Variants in SEC14L2 observed in about 807,000 individuals in gnomAD.
SEC14L2 encodes the protein SEC14-like protein 2.
In SEC14L2, 50 loss-of-function variants were observed where a neutral mutation model predicts 56.9. The observed-to-expected ratio is 0.88, with a 90% CI of 0.70 to 1.11. The LOEUF is 1.11. SEC14L2 is among the 50% of genes most tolerant of loss of function. The pLI, the probability that SEC14L2 is intolerant of heterozygous loss-of-function variation, is 0.00. For synonymous variants in SEC14L2, 179 were observed against 188.5 expected, an observed-to-expected ratio of 0.95 and a Z score of 0.41; for missense variants, 414 against 500.7, an observed-to-expected ratio of 0.83 and a Z score of 1.65.
At chr22:30,398,114 G>A (rs1047486316) in intron 1 of SEC14L2, among the ~76,000 whole-genome samples, 1 of 152,212 alleles carries the variant, frequency 6.6e-6, no homozygotes, top group African/African-American at 2.4e-5. Context: ...GCAGCAGTGG[G>A]GAGGCACCAG....
In SEC14L2 at chr22:30,415,795, C is replaced by T; in HGVS notation, c.701C>T (p.Pro234Leu). 6.2e-7 allele frequency: 1 copy of T among 1,614,122 alleles called. No homozygotes were observed. Among genetic ancestry groups the T allele is most frequent in the Non-Finnish European group, 8.5e-7 (1 of 1,180,018 alleles). ...GAGGTTTTACTGAAACATATCAGCC[C>T]TGACCAGGTGCCTGTGGAGTATGGG... ...WKEVLLKHIS[P>L]DQVPVEYGGT... The change falls in exon 9 of 12, where the codon CCT becomes CTT. Residue 234 changes from proline (P) to leucine (L), a missense_variant. Pro to Leu is a moderately conservative substitution (Grantham distance 98). Coordinates refer to ENST00000615189, the MANE Select transcript of SEC14L2 (RefSeq NM_012429.5).
Position 30,415,825 on chromosome 22 carries a change from C to T in SEC14L2, c.731C>T (p.Thr244Ile), listed in dbSNP as rs1335768066. 1 of 1,614,154 alleles carries T rather than the reference C, an allele frequency of 6.2e-7. No homozygotes were observed. Among genetic ancestry groups the T allele is most frequent in the African/African-American group, 1.3e-5 (1 of 75,020 alleles). The change falls in exon 9 of 12, where the codon ACC (threonine) becomes ATC (isoleucine). Residue 244 changes from threonine to isoleucine, a missense_variant. Thr to Ile is a moderately conservative substitution (Grantham distance 89). Coordinates refer to ENST00000615189, the MANE Select transcript of SEC14L2 (RefSeq NM_012429.5). ...PDQVPVEYGG[T>I]MTDPDGNPKC... ...CAGGTGCCTGTGGAGTATGGGGGCA[C>T]CATGACTGACCCTGATGGAAACCCC...
At chr22:30,403,847 CA>C (rs1305478161) in intron 2 of SEC14L2, among the ~76,000 whole-genome samples, 3 of 151,352 alleles carry the variant, frequency 2.0e-5, no homozygotes, top group Non-Finnish European at 3.0e-5. Flanking sequence ...ACTAAAAATA[CA>C]AAAAATTAGC....
chr22:30,411,203 G>C (rs1800559889), intron 8 of SEC14L2, among the ~76,000 whole-genome samples: 1 of 152,232 alleles, frequency 6.6e-6, no homozygotes, highest in Non-Finnish European at 1.5e-5. Context: ...CAAGGCTGCA[G>C]TTAGCTATGA....
intron 2 of SEC14L2, among the ~76,000 whole-genome samples, chr22:30,404,872 C>G (rs1248146782): frequency 6.6e-6 from 1 of 152,072 alleles, no homozygotes; most frequent in Non-Finnish European, 1.5e-5. Flanking sequence ...AAGTTTGAGA[C>G]CAGCCTGGCC....
At chr22:30,410,538 C>T in intron 7 of SEC14L2, 58 bp from the exon 8 acceptor site, 2 of 1,504,550 alleles carry the variant, frequency 1.3e-6, no homozygotes, top group South Asian at 2.3e-5. Flanking sequence ...GCAGAGGACG[C>T]TGTTAGGGAC....
intron 1 of SEC14L2, 72 bp downstream of exon 1, chr22:30,397,242 A>T: frequency 7.5e-7 from 1 of 1,340,372 alleles, no homozygotes; most frequent in Non-Finnish European, 1.0e-6. Flanking sequence ...GCGAGAAGGG[A>T]CGGGGCTGGG....
chr22:30,407,282 C>T, intron 4 of SEC14L2, 128 bp downstream of exon 4: 1 of 1,424,588 alleles, frequency 7.0e-7, no homozygotes, highest in Non-Finnish European at 9.8e-7. Flanking sequence ...CTGATGGTCT[C>T]CAGAATGGGC....
intron 2 of SEC14L2, among the ~76,000 whole-genome samples, chr22:30,401,219 A>G (rs1933923974): frequency 6.6e-6 from 1 of 150,880 alleles, no homozygotes; most frequent in African/African-American, 2.4e-5. Flanking sequence ...TTATTTATTT[A>G]TTTATTTAGA....
At chr22:30,416,135 CCT>C (rs752439626) in intron 10 of SEC14L2, 48 bp downstream of exon 10, 1 of 1,611,404 alleles carries the variant, frequency 6.2e-7, no homozygotes, top group East Asian at 2.2e-5. Context: ...ATCTATAGGT[CCT>C]GATAGGTGGG....
At chr22:30,421,650 GCA>G (rs1232306852) in intron 11 of SEC14L2, 1 of 152,148 alleles carries the variant, frequency 6.6e-6, no homozygotes, top group Admixed American at 6.5e-5. Flanking sequence ...CACAAAGTTT[GCA>G]CATTTTACCT....
In SEC14L2 at chr22:30,424,611, T is replaced by A. The variant is rs563361428; in HGVS notation, c.*2204T>A. The A allele has an allele frequency of 1.4e-5, 6 of 433,526 alleles. 1 individual carries two copies. Among genetic ancestry groups the A allele is most frequent in the South Asian group, 9.8e-5 (6 of 61,308 alleles). 26.9% of individuals were successfully genotyped at this position (433,526 alleles called of 1,614,324 possible). A position where few individuals can be genotyped will look rare whatever the true frequency, so the allele number is the denominator to read the frequency against. On this transcript the variant is annotated 3_prime_UTR_variant, in exon 12 of 12. Transcript: ENST00000615189. ...AAGGAAATAAGCCGTGCAAAGCGCT[T>A]AAGAGCTTGGTATAAGTAAGTGCTC...
At position 30,410,751 on chromosome 22, in the gene SEC14L2, T is replaced by C. The variant is rs190377218; in HGVS notation, c.664+72T>C. On this transcript the variant is annotated intron_variant, in intron 8 of 11. Coordinates refer to ENST00000615189, the MANE Select transcript of SEC14L2 (RefSeq NM_012429.5). ...TAAATCGGGTCCAGCTTTAGGGGTGTGGCCGTAGCCACCAGGGTGAAAGCT... is the reference window on the plus strand; with the variant it reads ...TAAATCGGGTCCAGCTTTAGGGGTGCGGCCGTAGCCACCAGGGTGAAAGCT... 1,078 of 1,420,576 alleles carry C rather than the reference T, an allele frequency of 7.6e-4. 4 individuals are homozygous for C. The highest frequency in any genetic ancestry group is 6.1e-4 in the Non-Finnish European group (609 of 1,005,976). 88.0% of individuals were successfully genotyped at this position (1,420,576 alleles called of 1,614,324 possible). A position where few individuals can be genotyped will look rare whatever the true frequency, so the allele number is the denominator to read the frequency against.
At chr22:30,414,499 G>C (rs1934335081) in intron 8 of SEC14L2, among the ~76,000 whole-genome samples, 1 of 152,152 alleles carries the variant, frequency 6.6e-6, no homozygotes, top group Non-Finnish European at 1.5e-5. Context: ...GTGTTCCCAG[G>C]AGTTGCATGG....
chr22:30,398,691 C>G, intron 1 of SEC14L2: 1 of 471,576 alleles, frequency 2.1e-6, no homozygotes, highest in Non-Finnish European at 4.4e-6. Flanking sequence ...GCACAAATGC[C>G]ATGTTTTATA....
chr22:30,403,337 G>A (rs1272124310), intron 2 of SEC14L2, among the ~76,000 whole-genome samples: 1 of 152,232 alleles, frequency 6.6e-6, no homozygotes, highest in African/African-American at 2.4e-5. Flanking sequence ...CCAGCAAGAA[G>A]GATCAGAGAG....
Position 30,407,480 on chromosome 22 carries a change from C to T in SEC14L2, c.300C>T (p.Tyr100=), listed in dbSNP as rs144595900. The change falls in exon 5 of 12, where the codon TAC becomes TAT. Residue 100 remains tyrosine (Y), a synonymous_variant. Coordinates refer to ENST00000615189, the MANE Select transcript of SEC14L2 (RefSeq NM_012429.5). The stretch of plus-strand genomic sequence containing the variant: ...ACCTGGATGGCTGCCCAGTCTGGTA[C>T]GACATAATTGGACCTCTGGATGCCA... ...GYDLDGCPVW[Y]DIIGPLDAKG... The T allele has an allele frequency of 1.5e-4, 249 of 1,614,118 alleles. No individual in the cohort carries two copies. The highest frequency in any genetic ancestry group is 5.0e-4 in the Middle Eastern group (3 of 6,056).
At position 30,416,049 on chromosome 22, in the gene SEC14L2, A is replaced by C; in HGVS notation, c.873A>C (p.Gln291His). ...SVQISRGSSH[Q>H]VEYEILFPGC... The stretch of plus-strand genomic sequence containing the variant: ...AGATTTCCCGTGGCTCCTCCCACCA[A>C]GTGGAGTATGAGATCCTCTTCCCTG... The change falls in exon 10 of 12, where the codon CAA becomes CAC. Residue 291 changes from glutamine (Q) to histidine (H), a missense_variant. Transcript: ENST00000615189. The C allele has an allele frequency of 6.2e-7, 1 of 1,614,222 alleles. No individual in the cohort carries two copies. The highest frequency in any genetic ancestry group is 8.5e-7 in the Non-Finnish European group (1 of 1,180,032).
chr22:30,398,152 G>A (rs1012882953), intron 1 of SEC14L2, among the ~76,000 whole-genome samples: 1 of 152,230 alleles, frequency 6.6e-6, no homozygotes, highest in Non-Finnish European at 1.5e-5. Flanking sequence ...CCCAGGCTGG[G>A]CCTCCCCCAT....
Sources: allele counts gnomAD v4.1 joint callset (sites outside exome capture counted in the v4.1 genomes callset), GRCh38; gene constraint gnomAD v4.1.1; transcripts MANE v1.5; gene names NCBI Gene and HGNC (gene_info 2026-07-23, HGNC 2026-07-21).